Variants in CDH18 observed in about 807,000 individuals in gnomAD.
CDH18 encodes the protein cadherin 18.
CDH18 carries 31 observed loss-of-function variants against 67.9 expected under a neutral mutation model. The ratio of observed to expected loss-of-function variants is 0.46; its 90% confidence interval spans 0.34 to 0.62. CDH18 has a LOEUF of 0.62. Ranked by LOEUF, CDH18 falls within the 20% of genes least tolerant of loss-of-function variation. The pLI is 0.01. For missense variants in CDH18, 890 were observed against 975.5 expected (o/e 0.91, Z 1.17); for synonymous variants, 362 against 347.2 (o/e 1.04, Z -0.48).
intron 2 of CDH18, among the ~76,000 whole-genome samples, chr5:20,174,180 A>G (rs1270089912): frequency 6.6e-6 from 1 of 152,204 alleles, no homozygotes; most frequent in Non-Finnish European, 1.5e-5. Context: ...GATTAACAAA[A>G]TGCATCGTTG....
intron 1 of CDH18, among the ~76,000 whole-genome samples, chr5:20,370,681 C>G (rs1227867423): frequency 6.6e-6 from 1 of 152,118 alleles, no homozygotes; most frequent in African/African-American, 2.4e-5. Context: ...TTCTAAAGAT[C>G]ATTCTGGCAA....
intron 2 of CDH18, among the ~76,000 whole-genome samples, chr5:20,143,289 T>C (rs973302990): frequency 3.3e-5 from 5 of 152,156 alleles, no homozygotes; most frequent in Admixed American, 6.6e-5. Flanking sequence ...AAATAACATA[T>C]GAATTGATTG....
chr5:19,944,083 T>C (rs1398939404), intron 2 of CDH18, among the ~76,000 whole-genome samples: 2 of 152,136 alleles, frequency 1.3e-5, no homozygotes, highest in African/African-American at 4.8e-5. Flanking sequence ...AGGATGAATG[T>C]ACCTCCTTGA....
intron 2 of CDH18, among the ~76,000 whole-genome samples, chr5:19,972,339 C>T (rs73762472): frequency 0.029 from 4,455 of 152,022 alleles, 244 homozygotes; most frequent in East Asian, 0.22. Context: ...AGAAAATGTT[C>T]ACTAAATGTC....
intron 2 of CDH18, among the ~76,000 whole-genome samples, chr5:20,079,341 A>G (rs949219309): frequency 6.6e-6 from 1 of 152,124 alleles, no homozygotes; most frequent in African/African-American, 2.4e-5. Flanking sequence ...GGCTTATCTC[A>G]CTTTACCTAT....
At chr5:19,500,425 T>C (rs1207990853) in intron 11 of CDH18, among the ~76,000 whole-genome samples, 7 of 152,082 alleles carry the variant, frequency 4.6e-5, no homozygotes, top group Non-Finnish European at 1.0e-4. Flanking sequence ...GGAAAATGGA[T>C]TTAAGAACTG....
chr5:20,212,397 G>A (rs1033893256), intron 2 of CDH18, among the ~76,000 whole-genome samples: 3 of 152,162 alleles, frequency 2.0e-5, no homozygotes, highest in East Asian at 1.9e-4. Flanking sequence ...CAGCAAGGCC[G>A]GCCAACATTC....
intron 2 of CDH18, among the ~76,000 whole-genome samples, chr5:19,883,346 T>G (rs2150062300): frequency 6.6e-6 from 1 of 152,260 alleles, no homozygotes; most frequent in South Asian, 2.1e-4. Flanking sequence ...AGCACTCAAG[T>G]CACTGACGAA....
intron 2 of CDH18, among the ~76,000 whole-genome samples, chr5:19,950,476 T>A (rs757215086): frequency 2.8e-4 from 42 of 152,086 alleles, no homozygotes; most frequent in Non-Finnish European, 7.4e-5. Flanking sequence ...CTAAAGAACT[T>A]ACCTATGTAA....
At chr5:20,477,218 C>T (rs538217220) in intron 1 of CDH18, among the ~76,000 whole-genome samples, 1 of 152,080 alleles carries the variant, frequency 6.6e-6, no homozygotes, top group African/African-American at 2.4e-5. Context: ...CACCCACACA[C>T]ACACGAGGGA....
chr5:20,146,925 T>G (rs2126548773), intron 2 of CDH18, among the ~76,000 whole-genome samples: 1 of 152,200 alleles, frequency 6.6e-6, no homozygotes, highest in South Asian at 2.1e-4. Flanking sequence ...TTACTACTAC[T>G]TTTCTTGACC....
At chr5:19,934,957 A>C (rs1339235475) in intron 2 of CDH18, among the ~76,000 whole-genome samples, 1 of 151,332 alleles carries the variant, frequency 6.6e-6, no homozygotes, top group African/African-American at 2.4e-5. Context: ...TTTATTTAGC[A>C]TATGTCCTTA....
intron 1 of CDH18, among the ~76,000 whole-genome samples, chr5:20,483,148 A>G (rs1370771600): frequency 6.6e-6 from 1 of 152,074 alleles, no homozygotes; most frequent in East Asian, 1.9e-4. Context: ...AAAGAAATCT[A>G]TAAAGTAACC....
chr5:19,514,531 C>T (rs143948313), intron 10 of CDH18, among the ~76,000 whole-genome samples: 5,150 of 152,174 alleles, frequency 0.034, 282 homozygotes, highest in African/African-American at 0.12. Flanking sequence ...TTTTAGTGAT[C>T]GCCATTCTAA....
intron 1 of CDH18, among the ~76,000 whole-genome samples, chr5:20,488,813 G>C (rs1422101000): frequency 6.6e-6 from 1 of 151,744 alleles, no homozygotes; most frequent in Non-Finnish European, 1.5e-5. Flanking sequence ...AGACCTTAGA[G>C]ATAGAAAATA....
At position 19,717,371 on chromosome 5, in the gene CDH18, G is replaced by T. The variant is rs567899808; in HGVS notation, c.643+3976C>A. ...GAGCATTAAGAGATTTTCATGTCCA[G>T]TTAAAAACTACACTGGTCTTCCATT... On this transcript the variant is annotated intron_variant, in intron 5 of 12. Transcript: ENST00000382275. Among the ~76,000 whole-genome samples, 5 of 151,000 alleles carry T rather than the reference G, an allele frequency of 3.3e-5. No individual in the cohort carries two copies. In the Admixed American group the frequency reaches 3.3e-4, roughly 10 times the overall value.
chr5:19,994,760 G>T lies in CDH18; in HGVS notation c.-517-2746C>A, dbSNP rs867154962. ...ATATAGAGAGAGAGAGAGAGAGAGAGAGAGAGAGAGAGAGAGAGAGAGAGA... is the reference window on the plus strand; with the variant it reads ...ATATAGAGAGAGAGAGAGAGAGAGATAGAGAGAGAGAGAGAGAGAGAGAGA... On this transcript the variant is annotated intron_variant, in intron 2 of 14. Transcript: ENST00000507958. 4.1e-3 allele frequency among the ~76,000 whole-genome samples: 333 copies of T among 81,630 alleles called. 3 individuals carry two copies. Among genetic ancestry groups the T allele is most frequent in the Middle Eastern group, 7.0e-3 (1 of 142 alleles). The allele number at this position is 81,630 out of a possible 152,430, so 53.6% of individuals were successfully genotyped here. A position where few individuals can be genotyped will look rare whatever the true frequency, so the allele number is the denominator to read the frequency against.
intron 5 of CDH18, among the ~76,000 whole-genome samples, chr5:19,661,589 T>C (rs2150313723): frequency 6.6e-6 from 1 of 152,170 alleles, no homozygotes; most frequent in African/African-American, 2.4e-5. Flanking sequence ...TACTACTAGT[T>C]ATTTTGTGAA....
At chr5:20,525,520 C>G (rs905499673) in intron 1 of CDH18, among the ~76,000 whole-genome samples, 3 of 152,108 alleles carry the variant, frequency 2.0e-5, no homozygotes, top group Admixed American at 6.6e-5. Context: ...GCCCTGCCTT[C>G]TTCCTGCAGT....
Sources: gnomAD v4.1 joint callset for allele counts (sites outside exome capture counted in the v4.1 genomes callset) on GRCh38, gnomAD v4.1.1 for gene constraint, MANE v1.5 for transcripts, NCBI Gene and HGNC (gene_info 2026-07-23, HGNC 2026-07-21) for gene names.